The following RANBP17 variants were observed in gnomAD, a reference collection of about 807,000 sequenced individuals.
RANBP17 encodes RAN binding protein 17.
A neutral mutation model predicts 141.2 loss-of-function variants in RANBP17; 158 were observed. The observed-to-expected ratio is 1.12, with a 90% confidence interval of 0.98 to 1.28. The LOEUF (loss-of-function observed/expected upper bound fraction) is 1.28. RANBP17 is among the 50% of genes most tolerant of loss of function. The pLI, the probability that RANBP17 is intolerant of heterozygous loss-of-function variation, is 0.00. For missense variants in RANBP17, 1,438 were observed against 1,290.7 expected (o/e 1.11, Z -1.75); for synonymous variants, 430 against 450.0 (o/e 0.96, Z 0.56).
chr5:170,992,942 C>A (rs1178311323), intron 14 of RANBP17, among the ~76,000 whole-genome samples: 1 of 152,074 alleles, frequency 6.6e-6, no homozygotes, highest in Non-Finnish European at 1.5e-5. Flanking sequence ...AAGCCCTTCA[C>A]GTAATTCTGA....
intron 14 of RANBP17, among the ~76,000 whole-genome samples, chr5:170,976,609 C>T (rs1447085513): frequency 6.6e-6 from 1 of 152,132 alleles, no homozygotes; most frequent in Non-Finnish European, 1.5e-5. Flanking sequence ...TAAGTTGTTA[C>T]TTACAATAAT....
chr5:171,244,854 G>A (rs560636848), intron 24 of RANBP17, among the ~76,000 whole-genome samples: 43 of 152,100 alleles, frequency 2.8e-4, no homozygotes, highest in African/African-American at 9.2e-4. Flanking sequence ...GGCCAGGCGC[G>A]GTGGCTCACG....
At chr5:171,232,524 A>T (rs1764263843) in intron 22 of RANBP17, among the ~76,000 whole-genome samples, 2 of 152,076 alleles carry the variant, frequency 1.3e-5, no homozygotes, top group South Asian at 4.1e-4. Context: ...CTATAAAATA[A>T]TATACCCATG....
chr5:171,260,966 T>A (rs1046018161), intron 24 of RANBP17, among the ~76,000 whole-genome samples: 35 of 152,002 alleles, frequency 2.3e-4, no homozygotes, highest in African/African-American at 8.2e-4. Context: ...AGAGGATATG[T>A]TGTTATTTTG....
intron 14 of RANBP17, among the ~76,000 whole-genome samples, chr5:171,045,066 C>CG (rs1217178114): frequency 2.0e-5 from 3 of 151,976 alleles, no homozygotes; most frequent in Non-Finnish European, 4.4e-5. Context: ...ACTGGTACTT[C>CG]AGTTTTATTA....
chr5:170,968,310 C>A lies in RANBP17; in HGVS notation c.1643C>A (p.Ala548Glu), dbSNP rs780915378. The A allele has an allele frequency of 1.9e-6, 3 of 1,608,548 alleles. No homozygotes were observed. The highest frequency in any genetic ancestry group is 2.5e-6 in the Non-Finnish European group (3 of 1,177,282). The change falls in exon 14 of 28, where the codon GCA becomes GAA. Residue 548 changes from alanine to glutamate, a missense_variant. Transcript: ENST00000523189. ...TGTTGTAATGAGAAAATAGAGCTTG[C>A]AATTCTGTGGTTCTTGGATCAGTTT... The part of the protein sequence containing the change: ...PRCCNEKIEL[A>E]ILWFLDQFRK...
At chr5:171,090,054 G>T (rs556281571) in intron 14 of RANBP17, among the ~76,000 whole-genome samples, 56 of 152,298 alleles carry the variant, frequency 3.7e-4, no homozygotes, top group African/African-American at 1.1e-3. Flanking sequence ...CTGCTGAAAA[G>T]AGACCCGAAA....
At chr5:171,286,775 A>G (rs1000383112) in intron 25 of RANBP17, among the ~76,000 whole-genome samples, 15 of 152,182 alleles carry the variant, frequency 9.9e-5, no homozygotes, top group African/African-American at 3.1e-4. Context: ...TTACTTCCAC[A>G]AACCCTGAAA....
intron 14 of RANBP17, among the ~76,000 whole-genome samples, chr5:171,150,172 G>A (rs943743594): frequency 1.3e-5 from 2 of 152,008 alleles, no homozygotes; most frequent in Non-Finnish European, 2.9e-5. Flanking sequence ...AGTAAGCTGG[G>A]AATCTATACC....
At chr5:171,124,518 C>CA (rs1756283398) in intron 14 of RANBP17, among the ~76,000 whole-genome samples, 1 of 152,102 alleles carries the variant, frequency 6.6e-6, no homozygotes, top group South Asian at 2.1e-4. Flanking sequence ...ACAGGAAACT[C>CA]AAAGATCCCC....
chr5:170,998,273 G>A (rs1030030596), intron 14 of RANBP17, among the ~76,000 whole-genome samples: 1 of 151,618 alleles, frequency 6.6e-6, no homozygotes, highest in South Asian at 2.1e-4. Flanking sequence ...TTTGAATATA[G>A]CATTTTGAAC....
chr5:171,089,648 A>T (rs1786054691), intron 14 of RANBP17, among the ~76,000 whole-genome samples: 1 of 152,126 alleles, frequency 6.6e-6, no homozygotes, highest in Non-Finnish European at 1.5e-5. Flanking sequence ...CAGGTGTGGG[A>T]TATAATCTCG....
Position 171,112,582 on chromosome 5 carries a change from A to G in RANBP17, c.1711-57548A>G, listed in dbSNP as rs568295008. ...ATAGACTGTCACCAGACTCATGAAA[A>G]AGGAAACACTGATTGACGGATCTGG... On this transcript the variant is annotated intron_variant, in intron 14 of 27. Coordinates refer to ENST00000523189, the MANE Select transcript of RANBP17 (RefSeq NM_022897.5). Among the ~76,000 whole-genome samples the G allele has an allele frequency of 6.6e-5, 10 of 152,160 alleles. No individual in the cohort carries two copies. The East Asian group carries it at 1.7e-3, about 27-fold the overall frequency.
At chr5:170,952,605 A>G (rs1429499704) in intron 12 of RANBP17, among the ~76,000 whole-genome samples, 2 of 152,014 alleles carry the variant, frequency 1.3e-5, no homozygotes, top group Non-Finnish European at 2.9e-5. Flanking sequence ...GAGTCTTCTA[A>G]CAAGCAGATA....
At chr5:170,972,243 G>A (rs1469913959) in intron 14 of RANBP17, among the ~76,000 whole-genome samples, 2 of 143,052 alleles carry the variant, frequency 1.4e-5, no homozygotes, top group African/African-American at 2.6e-5. Context: ...GTGCAATGGC[G>A]CCATCTTGAC....
At chr5:170,952,247 AC>A (rs1435978138) in intron 12 of RANBP17, among the ~76,000 whole-genome samples, 1 of 152,014 alleles carries the variant, frequency 6.6e-6, no homozygotes. Flanking sequence ...TTGATCTGTT[AC>A]GTTTTTCATG....
chr5:170,876,535 A>G (rs777374007), intron 1 of RANBP17, among the ~76,000 whole-genome samples: 2 of 152,038 alleles, frequency 1.3e-5, no homozygotes, highest in Non-Finnish European at 2.9e-5. Flanking sequence ...TTTAAAATGT[A>G]GTTCATTTGA....
chr5:171,168,215 A>G (rs1183791717), intron 14 of RANBP17, among the ~76,000 whole-genome samples: 1 of 152,224 alleles, frequency 6.6e-6, no homozygotes, highest in African/African-American at 2.4e-5. Context: ...TTGTGGGAAC[A>G]TAAAGGAGAG....
chr5:170,941,517 A>T (rs1479699704), intron 12 of RANBP17, among the ~76,000 whole-genome samples: 1 of 152,160 alleles, frequency 6.6e-6, no homozygotes, highest in Non-Finnish European at 1.5e-5. Flanking sequence ...TAAAAAAGAG[A>T]CAAGAATTTA....
Sources: gnomAD v4.1 joint callset for allele counts (sites outside exome capture counted in the v4.1 genomes callset) on GRCh38, gnomAD v4.1.1 for gene constraint, MANE v1.5 for transcripts, NCBI Gene and HGNC (gene_info 2026-07-23, HGNC 2026-07-21) for gene names.